Variants in SRFBP1 observed in about 807,000 individuals in gnomAD.
SRFBP1 encodes the protein serum response factor binding protein 1, also known as serum response factor-binding protein 1.
A neutral mutation model predicts 45.5 loss-of-function variants in SRFBP1; 47 were observed. That is an observed-to-expected ratio of 1.03 (90% CI 0.82 to 1.32). SRFBP1 has a LOEUF of 1.32. Among genes scored for constraint, SRFBP1 ranks in the 40% most tolerant of loss-of-function variants. The pLI, the probability that SRFBP1 is intolerant of heterozygous loss-of-function variation, is 0.00. For missense variants in SRFBP1, 621 were observed against 484.6 expected, an observed-to-expected ratio of 1.28 and a Z score of -2.64; for synonymous variants, 203 against 166.3, an observed-to-expected ratio of 1.22 and a Z score of -1.70.
intron 7 of SRFBP1, among the ~76,000 whole-genome samples, 199 bp downstream of exon 7, chr5:122,022,606 A>G (rs1734526035): frequency 1.3e-5 from 2 of 152,226 alleles, no homozygotes; most frequent in Admixed American, 1.3e-4. Context: ...AGAGGGAAAG[A>G]TATAGACAAA....
intron 7 of SRFBP1, 120 bp from the exon 8 acceptor site, chr5:122,026,822 A>G: frequency 1.5e-6 from 1 of 669,800 alleles, no homozygotes; most frequent in Non-Finnish European, 2.3e-6. Context: ...AAATTGTGAA[A>G]TATTCCATTT....
At chr5:122,028,945 T>G (rs1237079117), downstream of SRFBP1, among the ~76,000 whole-genome samples, 4 of 152,194 alleles carry the variant, frequency 2.6e-5, no homozygotes, top group Non-Finnish European at 5.9e-5. Flanking sequence ...TTACAAGTAC[T>G]GTTGGACTTT....
intron 4 of SRFBP1, among the ~76,000 whole-genome samples, chr5:122,003,784 T>C (rs1752926171): frequency 6.6e-6 from 1 of 152,108 alleles, no homozygotes; most frequent in Non-Finnish European, 1.5e-5. Context: ...CTCGTTACGG[T>C]TTTAATTTGC....
chr5:122,046,718 G>T (rs1375959230), intron 2 of SRFBP1, among the ~76,000 whole-genome samples: 1 of 152,184 alleles, frequency 6.6e-6, no homozygotes, highest in Non-Finnish European at 1.5e-5. Flanking sequence ...GTTGTTTCCT[G>T]ACTTTTTAAT....
At chr5:121,974,498 A>G (rs999389726) in intron 2 of SRFBP1, among the ~76,000 whole-genome samples, 1 of 151,870 alleles carries the variant, frequency 6.6e-6, no homozygotes, top group Non-Finnish European at 1.5e-5. Context: ...AAGATACAGG[A>G]TGAATTTTTT....
intron 4 of SRFBP1, among the ~76,000 whole-genome samples, chr5:121,996,011 G>T (rs185524622): frequency 0.038 from 5,789 of 151,942 alleles, 321 homozygotes; most frequent in African/African-American, 0.11. Context: ...TGAAATTGTG[G>T]CAATAATCAA....
chr5:121,991,832 C>T (rs1358419905), intron 3 of SRFBP1, among the ~76,000 whole-genome samples: 2 of 152,064 alleles, frequency 1.3e-5, no homozygotes, highest in African/African-American at 2.4e-5. Flanking sequence ...TTTAATGACA[C>T]ATATAGCTGT....
intron 4 of SRFBP1, among the ~76,000 whole-genome samples, chr5:122,013,010 A>C (rs1299854104): frequency 6.6e-6 from 1 of 152,076 alleles, no homozygotes; most frequent in African/African-American, 2.4e-5. Context: ...GTTACTTACC[A>C]CCTCTGACTC....
At chr5:122,013,957 C>T (rs1753144593) in intron 4 of SRFBP1, among the ~76,000 whole-genome samples, 1 of 151,912 alleles carries the variant, frequency 6.6e-6, no homozygotes, top group Admixed American at 6.6e-5. Context: ...AAAGAAGGAC[C>T]AAGTTCTGGT....
At chr5:121,994,695 G>T in intron 4 of SRFBP1, 25 bp downstream of exon 4, 4 of 1,459,282 alleles carry the variant, frequency 2.7e-6, no homozygotes, top group Non-Finnish European at 3.7e-6. Flanking sequence ...GATTATATTT[G>T]TCTTATGAAA....
chr5:122,075,291 G>A, intron 2 of SRFBP1: 1 of 929,230 alleles, frequency 1.1e-6, no homozygotes, highest in Non-Finnish European at 1.6e-6. Flanking sequence ...CTAAATATAA[G>A]TAATAGCAAT....
At chr5:122,034,082 C>A (rs1241255795) in intron 2 of SRFBP1, among the ~76,000 whole-genome samples, 2 of 152,196 alleles carry the variant, frequency 1.3e-5, no homozygotes, top group Admixed American at 6.5e-5. Context: ...CCTCAGCCTC[C>A]CATGGTGCTG....
intron 5 of SRFBP1, 110 bp from the exon 6 acceptor site, chr5:122,019,978 C>T (rs1180606823): frequency 1.1e-5 from 7 of 654,540 alleles, no homozygotes; most frequent in African/African-American, 1.9e-5. Context: ...AATATCAATT[C>T]CAACTGCCCT....
chr5:122,012,756 T>C (rs1260766284), intron 4 of SRFBP1, among the ~76,000 whole-genome samples: 11 of 152,172 alleles, frequency 7.2e-5, no homozygotes. Flanking sequence ...GCCTCAATTC[T>C]AATTATTATG....
rs546414995 is a variant in SRFBP1 at position 122,059,787 on chromosome 5, G to T, written n.312-15528G>T. 8.5e-5 allele frequency among the ~76,000 whole-genome samples: 13 copies of T among 152,154 alleles called. No individual in the cohort carries two copies. In the East Asian group the frequency reaches 2.5e-3, roughly 30 times the overall value. Reference sequence around the variant, plus strand: ...TGTTAAAAGTACACTATAACTAACAGAAGTAAAGAGTGCAACGTACCCTAA... The same window carrying T: ...TGTTAAAAGTACACTATAACTAACATAAGTAAAGAGTGCAACGTACCCTAA... On this transcript the variant is annotated intron_variant and non_coding_transcript_variant, in intron 2 of 2. Coordinates refer to the SRFBP1 transcript ENST00000504881.
chr5:121,994,724 C>T, intron 4 of SRFBP1, 54 bp downstream of exon 4: 2 of 1,198,830 alleles, frequency 1.7e-6, no homozygotes, highest in Non-Finnish European at 2.3e-6. Context: ...ATCTATATTG[C>T]TTACTTTTTT....
At position 122,027,242 on chromosome 5, in the gene SRFBP1, C is replaced by T; in HGVS notation, c.*116C>T. 1 of 808,366 alleles carries T rather than the reference C, an allele frequency of 1.2e-6. No homozygotes were observed. The highest frequency in any genetic ancestry group is 1.9e-6 in the Non-Finnish European group (1 of 529,918). 50.1% of individuals were successfully genotyped at this position (808,366 alleles called of 1,614,324 possible). A position where few individuals can be genotyped will look rare whatever the true frequency, so the allele number is the denominator to read the frequency against. On this transcript the variant is annotated 3_prime_UTR_variant, in exon 8 of 8. Transcript: ENST00000339397. ...ATATTGCAATCACAGCTCACTGCAG[C>T]CTCAAACTCCTGGGCTCAAGTGATC...
At chr5:122,046,182 T>C (rs1441618010) in intron 2 of SRFBP1, among the ~76,000 whole-genome samples, 1 of 152,120 alleles carries the variant, frequency 6.6e-6, no homozygotes, top group Non-Finnish European at 1.5e-5. Flanking sequence ...TATCTCCTAA[T>C]GCTATCCCTC....
chr5:122,009,138 A>G lies in SRFBP1; in HGVS notation c.271-10122A>G, dbSNP rs528185542. 1.1e-3 allele frequency among the ~76,000 whole-genome samples: 173 copies of G among 152,246 alleles called. 1 individual carries two copies. Among genetic ancestry groups the G allele is most frequent in the African/African-American group, 4.0e-3 (167 of 41,548 alleles). On this transcript the variant is annotated intron_variant, in intron 4 of 7. Transcript: ENST00000339397. Reference sequence around the variant, plus strand: ...TAGTGCGTGTATAATACCTAAATTTAATTTGCATTTTTCCATTGACATGTC... The same window carrying G: ...TAGTGCGTGTATAATACCTAAATTTGATTTGCATTTTTCCATTGACATGTC...
Sources: allele counts gnomAD v4.1 joint callset (sites outside exome capture counted in the v4.1 genomes callset), GRCh38; gene constraint gnomAD v4.1.1; transcripts MANE v1.5; gene names NCBI Gene and HGNC (gene_info 2026-07-23, HGNC 2026-07-21).